The following PRTG variants were observed in gnomAD, a reference collection of about 807,000 sequenced individuals.
PRTG encodes the protein immunoglobulin superfamily, DCC subclass, member 5.
A neutral mutation model predicts 122.5 loss-of-function variants in PRTG; 67 were observed. The ratio of observed to expected loss-of-function variants is 0.55; its 90% CI spans 0.45 to 0.67. The LOEUF (loss-of-function observed/expected upper bound fraction) is 0.67, where lower values mean the gene tolerates loss of function less well. Among genes scored for constraint, PRTG ranks in the 30% least tolerant of loss-of-function variants. The probability of loss-of-function intolerance (pLI) is 0.00; values close to 1 mark genes in which losing one functional copy is unlikely to be tolerated. For missense variants in PRTG, 1,435 were observed against 1,415.4 expected, an observed-to-expected ratio of 1.01 and a Z score of -0.22; for synonymous variants, 554 against 501.1, an observed-to-expected ratio of 1.11 and a Z score of -1.41.
In PRTG at chr15:55,716,891, T is replaced by C. The variant is rs542017336; in HGVS notation, c.397+23491A>G. On this transcript the variant is annotated intron_variant, in intron 2 of 19. Coordinates refer to ENST00000389286, the MANE Select transcript of PRTG (RefSeq NM_173814.6). ...TACATATCTTCACCAAGCTTGATAA[T>C]GCCTAAAATTCAAAACGCCATTATC... Among the ~76,000 whole-genome samples, 4 of 152,276 alleles carry C rather than the reference T, an allele frequency of 2.6e-5. No individual in the cohort carries two copies. In the South Asian group the frequency reaches 8.3e-4, roughly 32 times the overall value.
At position 55,632,277 on chromosome 15, in the gene PRTG, T is replaced by C. The variant is rs143927383; in HGVS notation, c.2624-3273A>G. 3.9e-3 allele frequency among the ~76,000 whole-genome samples: 590 copies of C among 152,322 alleles called. 3 individuals carry two copies. Among genetic ancestry groups the C allele is most frequent in the African/African-American group, 0.014 (567 of 41,570 alleles). On this transcript the variant is annotated intron_variant, in intron 15 of 19. Transcript: ENST00000389286. ...CCCCACATCAATCTACAAGCATATC[T>C]GACTGGCTTTTTTTTCTACTTATGT...
chr15:55,626,901 G>C (rs1290477378), intron 17 of PRTG, 107 bp downstream of exon 17: 2 of 955,998 alleles, frequency 2.1e-6, no homozygotes, highest in African/African-American at 3.4e-5. Context: ...TTATTTTAAA[G>C]TAGGAAATCC....
intron 11 of PRTG, among the ~76,000 whole-genome samples, chr15:55,661,686 A>C (rs2059410574): frequency 6.6e-6 from 1 of 152,180 alleles, no homozygotes; most frequent in African/African-American, 2.4e-5. Context: ...CTGCTTTCTC[A>C]AGAAAACCAC....
At chr15:55,722,787 A>G (rs1431703137) in intron 2 of PRTG, among the ~76,000 whole-genome samples, 1 of 145,134 alleles carries the variant, frequency 6.9e-6, no homozygotes. Flanking sequence ...ACAAAATTTG[A>G]CAAGGTCAGA....
intron 2 of PRTG, among the ~76,000 whole-genome samples, chr15:55,698,463 G>C (rs1244830874): frequency 1.3e-5 from 2 of 152,130 alleles, no homozygotes; most frequent in Middle Eastern, 3.4e-3. Flanking sequence ...GCTAATTTTT[G>C]TGTTTGTGAT....
At chr15:55,638,849 C>T (rs1281256244) in intron 13 of PRTG, among the ~76,000 whole-genome samples, 173 bp from the exon 14 acceptor site, 1 of 152,134 alleles carries the variant, frequency 6.6e-6, no homozygotes, top group South Asian at 2.1e-4. Context: ...AAAAATACTA[C>T]ATTTGGTATT....
At chr15:55,698,442 C>G (rs1272277147) in intron 2 of PRTG, among the ~76,000 whole-genome samples, 1 of 152,056 alleles carries the variant, frequency 6.6e-6, no homozygotes, top group Non-Finnish European at 1.5e-5. Flanking sequence ...AGACACACAC[C>G]ACCACACCTG....
rs1236608141 is a variant in PRTG, at chr15:55,683,925, G to C, written c.404C>G (p.Ser135Cys). Residue 135 changes from serine (S) to cysteine (C), a missense_variant, in exon 3 of 20, where the codon TCT (serine) becomes TGT (cysteine). By Grantham distance (112) the Ser-to-Cys change is moderately radical. Coordinates refer to ENST00000389286, the MANE Select transcript of PRTG (RefSeq NM_173814.6). Reference protein sequence around the residue: ...QKAHLALSTISAFEVQPISTE... With the variant: ...QKAHLALSTICAFEVQPISTE... ...GGAAATTGGCTGGACTTCAAATGCA[G>C]AAATAGCTATAAGATAAAGTTTGAG... 4 of 1,612,774 alleles carry C rather than the reference G, an allele frequency of 2.5e-6. No homozygotes were observed. Among genetic ancestry groups the C allele is most frequent in the African/African-American group, 1.3e-5 (1 of 74,890 alleles).
rs114136643 is a variant in PRTG, at chr15:55,630,468, G to T, written c.2624-1464C>A. On this transcript the variant is annotated intron_variant, in intron 15 of 19. Coordinates refer to ENST00000389286, the MANE Select transcript of PRTG (RefSeq NM_173814.6). ...ATTCAAGATAAACAGGGAAGAAAAT[G>T]CACAGTTACGCAGGAACCTCAGAGT... Among the ~76,000 whole-genome samples, 663 of 152,248 alleles carry T rather than the reference G, an allele frequency of 4.4e-3. 4 individuals carry two copies. The highest frequency in any genetic ancestry group is 0.015 in the African/African-American group (634 of 41,542).
intron 2 of PRTG, among the ~76,000 whole-genome samples, chr15:55,685,604 C>A (rs2059566016): frequency 6.6e-6 from 1 of 152,110 alleles, no homozygotes; most frequent in African/African-American, 2.4e-5. Context: ...AAGAGATATG[C>A]ACAAATGTAA....
intron 2 of PRTG, among the ~76,000 whole-genome samples, chr15:55,698,860 G>C (rs74017549): frequency 0.019 from 2,906 of 152,170 alleles, 101 homozygotes; most frequent in African/African-American, 0.065. Flanking sequence ...GAGAGGGATG[G>C]GGAGAGGGGA....
intron 4 of PRTG, among the ~76,000 whole-genome samples, chr15:55,681,886 C>T (rs1419402088): frequency 6.6e-6 from 1 of 152,002 alleles, no homozygotes; most frequent in African/African-American, 2.4e-5. Context: ...CTGTGGGTTG[C>T]ACATCTGTAA....
rs183395121 is a variant in PRTG at position 55,612,871 on chromosome 15, C to G, written c.*7141G>C. Reference sequence around the variant, plus strand: ...GTTTCCATTTCAGCTATATCTTTTACCAACCACTTTCTTCTATTGGTTTTG... The same window carrying G: ...GTTTCCATTTCAGCTATATCTTTTAGCAACCACTTTCTTCTATTGGTTTTG... On this transcript the variant is annotated 3_prime_UTR_variant, in exon 20 of 20. Coordinates refer to ENST00000389286, the MANE Select transcript of PRTG (RefSeq NM_173814.6). The G allele has an allele frequency of 1.2e-4, 18 of 151,598 alleles. No individual in the cohort carries two copies. The highest frequency in any genetic ancestry group is 4.4e-4 in the African/African-American group (18 of 41,222). The allele number at this position is 151,598 out of a possible 1,614,324, so 9.4% of individuals were successfully genotyped here. A position where few individuals can be genotyped will look rare whatever the true frequency, so the allele number is the denominator to read the frequency against.
Position 55,743,114 on chromosome 15 carries a change from G to A in PRTG, c.-183C>T, listed in dbSNP as rs962473442. 6.3e-6 allele frequency: 8 copies of A among 1,277,338 alleles called. No individual in the cohort carries two copies. Among genetic ancestry groups the A allele is most frequent in the Middle Eastern group, 3.0e-4 (1 of 3,356 alleles). 79.1% of individuals were successfully genotyped at this position (1,277,338 alleles called of 1,614,324 possible). ...GGCTGGTGCTCGGACGGCCGCTCGC[G>A]AGAAGCAAGGGGCCTGAGAGTCCGG... On this transcript the variant is annotated 5_prime_UTR_variant, in exon 1 of 20. Transcript: ENST00000389286.
chr15:55,689,309 C>T lies in PRTG; in HGVS notation c.398-5378G>A, dbSNP rs1216689953. 3.3e-5 allele frequency among the ~76,000 whole-genome samples: 5 copies of T among 152,284 alleles called. No individual in the cohort carries two copies. In the East Asian group the frequency reaches 9.7e-4, roughly 29 times the overall value. Reference sequence around the variant, plus strand: ...AAAAGCATCATGTCTCAGCATCCATCCTTCTAAATATTTAAACTGCTTAGC... The same window carrying T: ...AAAAGCATCATGTCTCAGCATCCATTCTTCTAAATATTTAAACTGCTTAGC... On this transcript the variant is annotated intron_variant, in intron 2 of 19. Transcript: ENST00000389286.
intron 11 of PRTG, among the ~76,000 whole-genome samples, chr15:55,653,708 C>T (rs1422087743): frequency 6.6e-6 from 1 of 152,172 alleles, no homozygotes; most frequent in African/African-American, 2.4e-5. Flanking sequence ...AGGTGATCTG[C>T]CCGCCTTGGC....
intron 11 of PRTG, among the ~76,000 whole-genome samples, chr15:55,645,609 C>A (rs1286653371): frequency 2.0e-5 from 3 of 151,592 alleles, no homozygotes; most frequent in Non-Finnish European, 4.4e-5. Flanking sequence ...ATGTTAAATA[C>A]ACGTAAATAC....
At chr15:55,672,289 A>C (rs1195570363) in intron 11 of PRTG, among the ~76,000 whole-genome samples, 156 bp downstream of exon 11, 2 of 152,224 alleles carry the variant, frequency 1.3e-5, no homozygotes, top group Admixed American at 1.3e-4. Flanking sequence ...AAGACCAATC[A>C]CTGACTTCAG....
In PRTG at chr15:55,615,541, A is replaced by C. The variant is rs1447181029; in HGVS notation, c.*4471T>G. 3 of 152,128 alleles carry C rather than the reference A, an allele frequency of 2.0e-5. No homozygotes were observed. The allele number at this position is 152,128 out of a possible 1,614,324, so 9.4% of individuals were successfully genotyped here. On this transcript the variant is annotated 3_prime_UTR_variant, in exon 20 of 20. Coordinates refer to ENST00000389286, the MANE Select transcript of PRTG (RefSeq NM_173814.6). ...TTCTAAACATCAATAAAAAAATCAC[A>C]ATTAGACAACTGGTTGTATATGGTA...
Sources: gnomAD v4.1 joint callset for allele counts (sites outside exome capture counted in the v4.1 genomes callset) on GRCh38, gnomAD v4.1.1 for gene constraint, MANE v1.5 for transcripts, NCBI Gene and HGNC (gene_info 2026-07-23, HGNC 2026-07-21) for gene names.